TNFRSF10A: variants seen among roughly 807,000 people sequenced by gnomAD.
TNFRSF10A encodes TNF receptor superfamily member 10a.
A neutral mutation model predicts 42.8 loss-of-function variants in TNFRSF10A; 44 were observed. The ratio of observed to expected loss-of-function variants is 1.03; its 90% confidence interval spans 0.81 to 1.32. The LOEUF (loss-of-function observed/expected upper bound fraction) is 1.32, where lower values mean the gene tolerates loss of function less well. Ranked by LOEUF, TNFRSF10A falls within the 40% of genes most tolerant of loss-of-function variation. The pLI is 0.00. For synonymous variants in TNFRSF10A, 259 were observed against 234.2 expected (o/e 1.11, Z -0.97); for missense variants, 680 against 602.0 (o/e 1.13, Z -1.36).
At chr8:23,194,204 AT>A (rs1800793453) in intron 9 of TNFRSF10A, among the ~76,000 whole-genome samples, 1 of 152,200 alleles carries the variant, frequency 6.6e-6, no homozygotes, top group Admixed American at 6.5e-5. Flanking sequence ...GTGTGTGCAT[AT>A]AGGTCTAGAT....
rs1052528418 is a variant in TNFRSF10A at position 23,199,897 on chromosome 8, A to C, written c.820T>G (p.Cys274Gly). Reference protein sequence around the residue: ...IGSGCGGDPKCMDRVCFWRLG... With the variant: ...IGSGCGGDPKGMDRVCFWRLG... ...AGAAATCAACTCACCCTGTCCATGC[A>C]CTTGGGGTCCCCTCCACAACCTAGA... The change falls in exon 7 of 10, where the codon TGC becomes GGC. Residue 274 changes from cysteine to glycine, a missense_variant. Cys to Gly is a radical substitution (Grantham distance 159). Coordinates refer to ENST00000221132, the MANE Select transcript of TNFRSF10A (RefSeq NM_003844.4). 1 of 1,613,968 alleles carries C rather than the reference A, an allele frequency of 6.2e-7. No individual in the cohort carries two copies. Among genetic ancestry groups the C allele is most frequent in the African/African-American group, 1.3e-5 (1 of 74,920 alleles).
chr8:23,200,189 T>G (rs928896477), intron 6 of TNFRSF10A, among the ~76,000 whole-genome samples: 3 of 152,172 alleles, frequency 2.0e-5, no homozygotes, highest in Non-Finnish European at 2.9e-5. Flanking sequence ...CACAACCACT[T>G]CTCGTCTCGA....
At chr8:23,210,354 C>A (rs1212567047) in intron 2 of TNFRSF10A, among the ~76,000 whole-genome samples, 1 of 152,026 alleles carries the variant, frequency 6.6e-6, no homozygotes, top group Non-Finnish European at 1.5e-5. Context: ...AAATTTGCAA[C>A]AAAATACTAG....
chr8:23,202,304 G>A (rs976232948), intron 3 of TNFRSF10A, among the ~76,000 whole-genome samples: 1 of 152,210 alleles, frequency 6.6e-6, no homozygotes, highest in Non-Finnish European at 1.5e-5. Flanking sequence ...TGAAGGCTGA[G>A]TGAGCCTGAG....
intron 8 of TNFRSF10A, among the ~76,000 whole-genome samples, chr8:23,197,762 G>A (rs566429771): frequency 1.3e-5 from 2 of 152,228 alleles, no homozygotes; most frequent in South Asian, 4.1e-4. Flanking sequence ...AAAGGTTGGG[G>A]ACCATTCGTT....
At chr8:23,218,064 G>A (rs573629151) in intron 1 of TNFRSF10A, among the ~76,000 whole-genome samples, 92 of 152,316 alleles carry the variant, frequency 6.0e-4, no homozygotes, top group African/African-American at 2.1e-3. Context: ...GTTTGTGGGC[G>A]TCTGATTAAG....
At position 23,202,745 on chromosome 8, in the gene TNFRSF10A, T is replaced by C. The variant is rs776832652; in HGVS notation, c.420A>G (p.Glu140=). The change falls in exon 3 of 10, where the codon GAA becomes GAG. Residue 140 remains glutamate (E), a synonymous_variant. Transcript: ENST00000221132. ...TGCACCGGTTACAGGCTCCAGGATG[T>C]TCTGATCTATGAGATCCTGGGAAGG... ...ELCPPGSHRS[E]HPGACNRCTE... is the part of the protein sequence containing the mutation. 1 of 1,612,922 alleles carries C rather than the reference T, an allele frequency of 6.2e-7. No individual in the cohort carries two copies. The highest frequency in any genetic ancestry group is 1.7e-5 in the Admixed American group (1 of 60,006).
chr8:23,196,405 C>T (rs1353002469), intron 9 of TNFRSF10A, among the ~76,000 whole-genome samples: 5 of 152,088 alleles, frequency 3.3e-5, no homozygotes, highest in Admixed American at 2.6e-4. Flanking sequence ...ACCATGTTAG[C>T]CAGGATGGTC....
At chr8:23,205,600 C>T (rs1034631313) in intron 2 of TNFRSF10A, among the ~76,000 whole-genome samples, 1 of 152,044 alleles carries the variant, frequency 6.6e-6, no homozygotes, top group Non-Finnish European at 1.5e-5. Context: ...GAGTTGACAG[C>T]TCCATGTGTG....
rs1801307173 is a variant in TNFRSF10A at position 23,224,581 on chromosome 8, G to T, written c.306+175C>A. ...CTGCCTCCAGGCCCGGGTCGCTCCT[G>T]CCTGGCCCCGGGGACCCCGTTCTTC... On this transcript the variant is annotated intron_variant, in intron 1 of 9. Transcript: ENST00000221132. 6 of 851,752 alleles carry T rather than the reference G, an allele frequency of 7.0e-6. No homozygotes were observed. The Admixed American group carries it at 1.5e-4, about 22-fold the overall frequency. The allele number at this position is 851,752 out of a possible 1,614,324, so 52.8% of individuals were successfully genotyped here. A position where few individuals can be genotyped will look rare whatever the true frequency, so the allele number is the denominator to read the frequency against.
chr8:23,223,286 C>A (rs932978313), intron 1 of TNFRSF10A, among the ~76,000 whole-genome samples: 1 of 152,014 alleles, frequency 6.6e-6, no homozygotes, highest in Non-Finnish European at 1.5e-5. Flanking sequence ...AGGATCGTCT[C>A]GATCTCCTGA....
chr8:23,213,565 A>C lies in TNFRSF10A; in HGVS notation c.307-1353T>G, dbSNP rs369910054. On this transcript the variant is annotated intron_variant, in intron 1 of 9. Coordinates refer to ENST00000221132, the MANE Select transcript of TNFRSF10A (RefSeq NM_003844.4). ...CAGGTTCATGCCATTCTCCTGCCTC[A>C]GCCTCCCGAGTAGCTGGGACTACAG... Among the ~76,000 whole-genome samples the C allele has an allele frequency of 4.7e-5, 7 of 150,050 alleles. No individual in the cohort carries two copies. The East Asian group carries it at 1.2e-3, about 25-fold the overall frequency.
Position 23,203,777 on chromosome 8 carries a change from A to G in TNFRSF10A, c.404-1016T>C, listed in dbSNP as rs1304628546. On this transcript the variant is annotated intron_variant, in intron 2 of 9. Coordinates refer to ENST00000221132, the MANE Select transcript of TNFRSF10A (RefSeq NM_003844.4). ...CTAAGGTTACTACTGAAAAATAATA[A>G]AGGCTTTTTTTTTTTTTTGAGATGG... is the stretch of plus-strand genomic sequence containing the variant. Among the ~76,000 whole-genome samples the G allele has an allele frequency of 2.0e-5, 3 of 150,574 alleles. No homozygotes were observed. In the Admixed American group the frequency reaches 2.0e-4, roughly 10 times the overall value.
intron 2 of TNFRSF10A, among the ~76,000 whole-genome samples, chr8:23,202,986 G>A (rs2128848401): frequency 6.6e-6 from 1 of 152,188 alleles, no homozygotes; most frequent in South Asian, 2.1e-4. Context: ...TTCTATGAGA[G>A]CCATATTAAA....
intron 4 of TNFRSF10A, 44 bp downstream of exon 4, chr8:23,201,764 T>C (rs773900476): frequency 2.7e-5 from 42 of 1,575,822 alleles, no homozygotes; most frequent in Non-Finnish European, 3.6e-5. Flanking sequence ...CTTGCTTCTG[T>C]GGGTTCTTTG....
In TNFRSF10A at chr8:23,199,292, ACTGTACAGTGACAC is replaced by A. The variant is rs1273664629; in HGVS notation, c.974_987del (p.Gly325ValfsTer15). ...AGCAGACACTGTGCCTCCCCTGGGG[ACTGTACAGTGACAC>A]CTGTCAAATCTGCCGGCTCCTGGCT... On this transcript the variant is annotated frameshift_variant, in exon 8 of 10. Coordinates refer to ENST00000221132, the MANE Select transcript of TNFRSF10A (RefSeq NM_003844.4). LOFTEE classifies it high-confidence loss of function. 6.2e-7 allele frequency: 1 copy of A among 1,614,090 alleles called. No homozygotes were observed. The highest frequency in any genetic ancestry group is 8.5e-7 in the Non-Finnish European group (1 of 1,179,984).
intron 1 of TNFRSF10A, 124 bp downstream of exon 1, chr8:23,224,632 C>G: frequency 2.3e-6 from 3 of 1,305,916 alleles, no homozygotes; most frequent in Non-Finnish European, 3.1e-6. Flanking sequence ...CGGGCTCCTC[C>G]TGCCCGGACA....
rs1801308433 is a variant in TNFRSF10A, at chr8:23,224,647, C to T, written c.306+109G>A. On this transcript the variant is annotated intron_variant, in intron 1 of 9. Transcript: ENST00000221132. ...CGGGCTCCTCCTGCCCGGACATGCC[C>T]CGCCACAAGTGACCCGGGCCAGGCA... is the stretch of plus-strand genomic sequence containing the variant. 2.9e-6 allele frequency: 4 copies of T among 1,384,652 alleles called. No individual in the cohort carries two copies. The East Asian group carries it at 1.0e-4, about 36-fold the overall frequency. The allele number at this position is 1,384,652 out of a possible 1,614,324, so 85.8% of individuals were successfully genotyped here.
At chr8:23,217,864 A>G (rs1041485015) in intron 1 of TNFRSF10A, among the ~76,000 whole-genome samples, 2 of 152,226 alleles carry the variant, frequency 1.3e-5, no homozygotes, top group African/African-American at 4.8e-5. Context: ...ACAGCCATCA[A>G]TAACCCGAGT....
Sources: gnomAD v4.1 joint callset for allele counts (sites outside exome capture counted in the v4.1 genomes callset) on GRCh38, gnomAD v4.1.1 for gene constraint, MANE v1.5 for transcripts, NCBI Gene and HGNC (gene_info 2026-07-23, HGNC 2026-07-21) for gene names.